The following KIF1A variants were observed in gnomAD, a reference collection of about 807,000 sequenced individuals.
KIF1A encodes kinesin-like protein KIF1A.
Under a neutral mutation model 227.3 loss-of-function variants are expected in KIF1A, and 46 were observed. The observed-to-expected ratio is 0.20, with a 90% CI of 0.16 to 0.26. The LOEUF is 0.26. KIF1A is among the 10% of genes least tolerant of loss of function. The pLI is 1.00. For missense variants in KIF1A, 1,683 were observed against 2,485.9 expected (o/e 0.68, Z 6.87); for synonymous variants, 1,022 against 1,012.8 (o/e 1.01, Z -0.17).
intron 1 of KIF1A, among the ~76,000 whole-genome samples, chr2:240,813,036 T>C (rs1325884796): frequency 6.6e-6 from 1 of 152,098 alleles, no homozygotes; most frequent in Non-Finnish European, 1.5e-5. Context: ...ACCTCAAGGA[T>C]CCACTTGCTC....
At chr2:240,808,778 T>C (rs2057638621) in intron 1 of KIF1A, among the ~76,000 whole-genome samples, 1 of 152,146 alleles carries the variant, frequency 6.6e-6, no homozygotes, top group African/African-American at 2.4e-5. Context: ...CGCCTGGGAT[T>C]GGAGTGCAAC....
intron 1 of KIF1A, among the ~76,000 whole-genome samples, chr2:240,803,151 T>G (rs922468552): frequency 2.0e-5 from 3 of 152,134 alleles, no homozygotes; most frequent in African/African-American, 7.2e-5. Flanking sequence ...TAAAAACCCA[T>G]GGGTCAAAGA....
chr2:240,742,523 C>T (rs1028235858), intron 34 of KIF1A, among the ~76,000 whole-genome samples: 2 of 152,190 alleles, frequency 1.3e-5, no homozygotes, highest in Non-Finnish European at 2.9e-5. Context: ...CAGGCAAAAG[C>T]TCTGACAAAT....
intron 28 of KIF1A, among the ~76,000 whole-genome samples, chr2:240,749,064 G>A (rs987787650): frequency 6.6e-5 from 10 of 151,688 alleles, no homozygotes; most frequent in African/African-American, 2.4e-4. Context: ...GGCAGAGGTT[G>A]CACAGTGAGC....
intron 2 of KIF1A, among the ~76,000 whole-genome samples, chr2:240,796,225 G>C (rs990180435): frequency 6.6e-6 from 1 of 152,204 alleles, no homozygotes; most frequent in African/African-American, 2.4e-5. Flanking sequence ...CACATTTCCA[G>C]ACTCACAGCT....
At chr2:240,809,337 G>T (rs1159642464) in intron 1 of KIF1A, among the ~76,000 whole-genome samples, 1 of 152,148 alleles carries the variant, frequency 6.6e-6, no homozygotes, top group Admixed American at 6.5e-5. Flanking sequence ...CTATGATCTC[G>T]AGCCTTGGTA....
At chr2:240,770,571 C>A (rs2051819940) in intron 15 of KIF1A, among the ~76,000 whole-genome samples, 5 of 152,236 alleles carry the variant, frequency 3.3e-5, no homozygotes, top group Admixed American at 3.3e-4. Context: ...GCTCCTTGAA[C>A]AAGCACCCAC....
At chr2:240,782,665 G>T (rs374923284) in intron 9 of KIF1A, 58 bp from the exon 10 acceptor site, 110 of 1,537,322 alleles carry the variant, frequency 7.2e-5, no homozygotes, top group African/African-American at 5.5e-4. Flanking sequence ...CGCGGGCTGT[G>T]GGGGCGGAAG....
At chr2:240,769,301 GCCA>G (rs1236028490) in intron 16 of KIF1A, 93 bp from the exon 17 acceptor site, 4 of 1,128,738 alleles carry the variant, frequency 3.5e-6, no homozygotes, top group South Asian at 2.9e-5. Flanking sequence ...CGGGCCTGTG[GCCA>G]CCGTGGCCTG....
chr2:240,807,128 GTGTATA>G (rs1223052033), intron 1 of KIF1A, among the ~76,000 whole-genome samples: 3,203 of 90,908 alleles, frequency 0.035, 121 homozygotes, highest in African/African-American at 0.11. Context: ...GTGTGTGTGT[GTGTATA>G]TATATATATA....
intron 8 of KIF1A, 125 bp downstream of exon 8, chr2:240,783,614 C>T (rs1392884331): frequency 2.9e-6 from 2 of 700,194 alleles, no homozygotes; most frequent in East Asian, 2.7e-5. Context: ...TATGCCCACC[C>T]TCCCTATGCA....
intron 1 of KIF1A, among the ~76,000 whole-genome samples, chr2:240,814,063 A>G (rs1232508115): frequency 6.6e-6 from 1 of 152,224 alleles, no homozygotes; most frequent in Non-Finnish European, 1.5e-5. Flanking sequence ...ACTTTAGAAT[A>G]TAAACAAGGA....
In KIF1A at chr2:240,722,533, A is replaced by G. The variant is rs2045532106; in HGVS notation, c.4588T>C (p.Ser1530Pro). 1 of 1,548,360 alleles carries G rather than the reference A, an allele frequency of 6.5e-7. No homozygotes were observed. The highest frequency in any genetic ancestry group is 1.4e-5 in the African/African-American group (1 of 72,986). Residue 1530 changes from serine (S) to proline (P), a missense_variant, in exon 43 of 49, where the codon TCC becomes CCC. Ser to Pro is a moderately conservative substitution (Grantham distance 74). Around this residue, in one of 12 missense-constraint regions of KIF1A, gnomAD observed 384 missense variants for 410.1 expected, o/e 0.94. Coordinates refer to ENST00000498729, the MANE Select transcript of KIF1A (RefSeq NM_001244008.2). Reference protein sequence around the residue: ...DSESHGSSSASSPLSAEGRPS... With the variant: ...DSESHGSSSAPSPLSAEGRPS... Reference sequence around the variant, plus strand: ...CGGCCCTCAGCCGAGAGCGGGGAGGAGGCGCTGGAGGAGCCATGGGACTCA... The same window carrying G: ...CGGCCCTCAGCCGAGAGCGGGGAGGGGGCGCTGGAGGAGCCATGGGACTCA...
chr2:240,724,168 C>A lies in KIF1A; in HGVS notation c.4257-132G>T, dbSNP rs1043709931. ...GCTGGGGTGATGGGGTGTTGAGGTC[C>A]CTGAGCTACAGCCCCTGTTCAGAGT... is the stretch of plus-strand genomic sequence containing the variant. On this transcript the variant is annotated intron_variant, in intron 40 of 48. Coordinates refer to ENST00000498729, the MANE Select transcript of KIF1A (RefSeq NM_001244008.2). 5.7e-5 allele frequency: 44 copies of A among 777,282 alleles called. No homozygotes were observed. In the Admixed American group the frequency reaches 7.6e-4, roughly 13 times the overall value. The allele number at this position is 777,282 out of a possible 1,614,324, so 48.1% of individuals were successfully genotyped here.
At chr2:240,721,448 T>A (rs1421735319) in intron 44 of KIF1A, among the ~76,000 whole-genome samples, 2 of 152,010 alleles carry the variant, frequency 1.3e-5, no homozygotes, top group Non-Finnish European at 2.9e-5. Flanking sequence ...AGGGGTGGGG[T>A]CGGTCCCAGG....
In KIF1A at chr2:240,788,041, C is replaced by CCCCTACTG; in HGVS notation, c.363+9_363+10insCAGTAGGG. ...GCCAGGGCTGCCCCCGCCCGCCCCC[C>CCCCTACTG]GCTTCGTGCCTGTGGGATGATGCCC... On this transcript the variant is annotated intron_variant, in intron 4 of 48. Coordinates refer to ENST00000498729, the MANE Select transcript of KIF1A (RefSeq NM_001244008.2). This position sits in a 1 kb window ranked among gnomAD's most constrained non-coding sequence, Gnocchi z 6.6. 2 of 1,520,670 alleles carry CCCCTACTG rather than the reference C, an allele frequency of 1.3e-6. No individual in the cohort carries two copies. Among genetic ancestry groups the CCCCTACTG allele is most frequent in the Non-Finnish European group, 1.8e-6 (2 of 1,121,304 alleles). The allele number at this position is 1,520,670 out of a possible 1,614,324, so 94.2% of individuals were successfully genotyped here.
chr2:240,717,523 C>T (rs1162777956), intron 48 of KIF1A, 117 bp from the exon 49 acceptor site: 1 of 878,266 alleles, frequency 1.1e-6, no homozygotes, highest in African/African-American at 1.6e-5. Flanking sequence ...CATGTCCCCG[C>T]TGGTTCCCTC....
chr2:240,821,062 T>TCCCTCCACCGTCCC (rs2058673696), upstream of KIF1A, among the ~76,000 whole-genome samples: 1 of 152,094 alleles, frequency 6.6e-6, no homozygotes, highest in Non-Finnish European at 1.5e-5. Context: ...GCCACCGTCC[T>TCCCTCCACCGTCCC]CCCTCCACCG....
chr2:240,745,121 A>G (rs1575562096), intron 32 of KIF1A, among the ~76,000 whole-genome samples: 1 of 149,310 alleles, frequency 6.7e-6, no homozygotes, highest in South Asian at 2.2e-4. Context: ...CTGGCTGAGC[A>G]CCCCCGGCCC....
Sources: allele counts gnomAD v4.1 joint callset (sites outside exome capture counted in the v4.1 genomes callset), GRCh38; gene constraint gnomAD v4.1.1; regional missense constraint gnomAD v4.1.1; non-coding constraint Gnocchi (gnomAD v3.1); transcripts MANE v1.5; gene names NCBI Gene and HGNC (gene_info 2026-07-23, HGNC 2026-07-21).